NUP133: variants seen among roughly 807,000 people sequenced by gnomAD.
NUP133 encodes the protein nuclear pore complex protein Nup133.
NUP133 carries 66 observed loss-of-function variants against 146.2 expected under a neutral mutation model. The observed-to-expected ratio is 0.45, with a 90% confidence interval of 0.37 to 0.55. The LOEUF (loss-of-function observed/expected upper bound fraction) is 0.55, where lower values mean the gene tolerates loss of function less well. Ranked by LOEUF, NUP133 falls within the 20% of genes least tolerant of loss-of-function variation. The pLI, the probability that NUP133 is intolerant of heterozygous loss-of-function variation, is 0.00. For synonymous variants in NUP133, 521 were observed against 498.8 expected, an observed-to-expected ratio of 1.04 and a Z score of -0.59; for missense variants, 1,277 against 1,374.8, an observed-to-expected ratio of 0.93 and a Z score of 1.12.
chr1:229,506,517 T>C (rs1661943311), intron 1 of NUP133, among the ~76,000 whole-genome samples: 1 of 148,638 alleles, frequency 6.7e-6, no homozygotes, highest in Non-Finnish European at 1.5e-5. Context: ...AGACAGAATA[T>C]AAAACATCAG....
rs58951309 is a variant in NUP133, at chr1:229,472,707, C to CATACATACATATATATATATATAT, written c.1852-1904_1852-1903insATATATATATATATATGTATGTAT. Among the ~76,000 whole-genome samples the CATACATACATATATATATATATAT allele has an allele frequency of 1.1e-3, 134 of 124,272 alleles. 6 individuals carry two copies. The highest frequency in any genetic ancestry group is 3.9e-3 in the African/African-American group (123 of 31,946). 81.5% of individuals were successfully genotyped at this position (124,272 alleles called of 152,430 possible). ...CAAAAAAATTAAAAAACTAAATATA[C>CATACATACATATATATATATATAT]ATATATATATATATATATATGTACA... On this transcript the variant is annotated intron_variant, in intron 14 of 25. Transcript: ENST00000261396.
In NUP133 at chr1:229,460,749, GAAGAGA is replaced by G; in HGVS notation, c.2700_2705del (p.Leu901_Phe902del). The G allele has an allele frequency of 1.2e-6, 2 of 1,611,238 alleles. No individual in the cohort carries two copies. The highest frequency in any genetic ancestry group is 1.7e-6 in the Non-Finnish European group (2 of 1,178,842). ...GCTTTCCTTTCTCCAGATACCAACG[GAAGAGA>G]AAGTCTGAAAAATTCTACAAATAAC... On this transcript the variant is annotated inframe_deletion, in exon 20 of 26. Transcript: ENST00000261396.
At chr1:229,460,936 T>C (rs1367832474) in intron 19 of NUP133, among the ~76,000 whole-genome samples, 167 bp from the exon 20 acceptor site, 1 of 152,224 alleles carries the variant, frequency 6.6e-6, no homozygotes. Flanking sequence ...TTGACAGATG[T>C]GTACATTGTG....
chr1:229,507,497 A>G (rs1343072325), intron 1 of NUP133, among the ~76,000 whole-genome samples: 2 of 152,072 alleles, frequency 1.3e-5, no homozygotes, highest in African/African-American at 2.4e-5. Context: ...TTAGTAACTA[A>G]ACTATCACAG....
At chr1:229,503,427 G>A (rs1186851326) in intron 2 of NUP133, among the ~76,000 whole-genome samples, 1 of 152,080 alleles carries the variant, frequency 6.6e-6, no homozygotes, top group Non-Finnish European at 1.5e-5. Flanking sequence ...TCAAATAAGA[G>A]CTCCTTAAAG....
intron 12 of NUP133, among the ~76,000 whole-genome samples, chr1:229,480,347 G>C (rs1661179035): frequency 6.6e-6 from 1 of 152,146 alleles, no homozygotes; most frequent in East Asian, 1.9e-4. Flanking sequence ...AGCGTGAAAG[G>C]CCAGGGTGAA....
At chr1:229,453,925 T>C (rs936008906) in intron 21 of NUP133, among the ~76,000 whole-genome samples, 1 of 152,064 alleles carries the variant, frequency 6.6e-6, no homozygotes, top group African/African-American at 2.4e-5. Flanking sequence ...TCTTAATTTT[T>C]TTTTGGTATA....
rs545247452 is a variant in NUP133 at position 229,487,196 on chromosome 1, T to C, written c.1342+270A>G. ...CTTTTACTAACTAGGAATAAGCAAT[T>C]ACTTCTCTTGGCAATAGTTTTTTGC... On this transcript the variant is annotated intron_variant, in intron 10 of 25. Transcript: ENST00000261396. 2.0e-5 allele frequency among the ~76,000 whole-genome samples: 3 copies of C among 152,278 alleles called. No homozygotes were observed. The East Asian group carries it at 5.8e-4, about 29-fold the overall frequency.
intron 8 of NUP133, among the ~76,000 whole-genome samples, chr1:229,492,813 G>A (rs1661559055): frequency 1.3e-5 from 2 of 151,850 alleles, no homozygotes; most frequent in African/African-American, 2.4e-5. Context: ...TGGATACAGT[G>A]TACACTGCTC....
chr1:229,473,699 G>A (rs1005590592), intron 14 of NUP133, among the ~76,000 whole-genome samples: 4 of 152,110 alleles, frequency 2.6e-5, no homozygotes, highest in Non-Finnish European at 4.4e-5. Flanking sequence ...AGAGGCAGGC[G>A]ATCACTTGAG....
intron 18 of NUP133, 134 bp from the exon 19 acceptor site, chr1:229,463,810 C>T: frequency 3.2e-6 from 3 of 940,218 alleles, no homozygotes; most frequent in Admixed American, 6.3e-5. Flanking sequence ...AACCTTCCCA[C>T]TTACTGGCAC....
rs140645502 is a variant in NUP133 at position 229,470,506 on chromosome 1, C to T, written c.2076+74G>A. On this transcript the variant is annotated intron_variant, in intron 15 of 25. Transcript: ENST00000261396. ...CTTTTGTGATTTAACTCGTCCTCAC[C>T]GTCTTTCCTGCCTAGGGCATGATCA... The T allele has an allele frequency of 1.0e-3, 1,281 of 1,234,910 alleles. 12 individuals carry two copies. In the African/African-American group the frequency reaches 0.014, roughly 14 times the overall value. The allele number at this position is 1,234,910 out of a possible 1,614,324, so 76.5% of individuals were successfully genotyped here.
chr1:229,440,690 A>C lies in NUP133; in HGVS notation c.*1214T>G, dbSNP rs1660165396. 1 of 152,296 alleles carries C rather than the reference A, an allele frequency of 6.6e-6. No homozygotes were observed. The highest frequency in any genetic ancestry group is 2.1e-4 in the South Asian group (1 of 4,836). 9.4% of individuals were successfully genotyped at this position (152,296 alleles called of 1,614,324 possible). On this transcript the variant is annotated 3_prime_UTR_variant, in exon 26 of 26. Coordinates refer to ENST00000261396, the MANE Select transcript of NUP133 (RefSeq NM_018230.3). ...CAAGCTGCTCTTCCTAACTTCTCTT[A>C]GTACCTTCCAACATGTTCCTAACCC...
At chr1:229,469,970 G>A (rs1571918779) in intron 15 of NUP133, among the ~76,000 whole-genome samples, 1 of 152,114 alleles carries the variant, frequency 6.6e-6, no homozygotes, top group Non-Finnish European at 1.5e-5. Context: ...AGGTTGCAGT[G>A]AGCCGACATT....
At position 229,464,009 on chromosome 1, in the gene NUP133, G is replaced by A. The variant is rs560827555; in HGVS notation, c.2552-333C>T. Among the ~76,000 whole-genome samples, 71 of 152,270 alleles carry A rather than the reference G, an allele frequency of 4.7e-4. 2 individuals carry two copies. Among genetic ancestry groups the A allele is most frequent in the African/African-American group, 1.6e-3 (68 of 41,556 alleles). On this transcript the variant is annotated intron_variant, in intron 18 of 25. Transcript: ENST00000261396. Reference sequence around the variant, plus strand: ...AAAAATACAAAATTAGCCAGTTGTGGTGGCACACGCCTGTAATCCCAGCTA... The same window carrying A: ...AAAAATACAAAATTAGCCAGTTGTGATGGCACACGCCTGTAATCCCAGCTA...
chr1:229,448,412 G>C (rs1660362158), intron 24 of NUP133, among the ~76,000 whole-genome samples: 1 of 152,024 alleles, frequency 6.6e-6, no homozygotes, highest in African/African-American at 2.4e-5. Context: ...TGGGCAACAA[G>C]AGCTAAACTC....
At chr1:229,458,395 T>A in intron 20 of NUP133, 99 bp from the exon 21 acceptor site, 2 of 1,169,946 alleles carry the variant, frequency 1.7e-6, no homozygotes, top group Non-Finnish European at 2.4e-6. Context: ...CCCTAAGCCG[T>A]ATCAATGAAT....
chr1:229,491,237 C>G (rs550989988), intron 8 of NUP133, among the ~76,000 whole-genome samples: 8 of 152,312 alleles, frequency 5.3e-5, no homozygotes, highest in Non-Finnish European at 7.4e-5. Context: ...GACTACATGG[C>G]CGCCAAAGCC....
chr1:229,454,399 A>C (rs1660518354), intron 21 of NUP133, among the ~76,000 whole-genome samples: 1 of 152,354 alleles, frequency 6.6e-6, no homozygotes, highest in East Asian at 1.9e-4. Flanking sequence ...TTTTGGAAAA[A>C]TTAAATGGAA....
Sources: allele counts gnomAD v4.1 joint callset (sites outside exome capture counted in the v4.1 genomes callset), GRCh38; gene constraint gnomAD v4.1.1; transcripts MANE v1.5; gene names NCBI Gene and HGNC (gene_info 2026-07-23, HGNC 2026-07-21).